Variants in NKAIN2 observed in about 807,000 individuals in gnomAD.
NKAIN2 encodes sodium/potassium transporting ATPase interacting 2.
Under a neutral mutation model 32.6 loss-of-function variants are expected in NKAIN2, and 14 were observed. The ratio of observed to expected loss-of-function variants is 0.43; its 90% confidence interval spans 0.28 to 0.67. The LOEUF (loss-of-function observed/expected upper bound fraction) is 0.67, where lower values mean the gene tolerates loss of function less well. Among genes scored for constraint, NKAIN2 ranks in the 30% least tolerant of loss-of-function variants. The pLI is 0.17. For synonymous variants in NKAIN2, 80 were observed against 87.2 expected, an observed-to-expected ratio of 0.92 and a Z score of 0.46; for missense variants, 198 against 258.3, an observed-to-expected ratio of 0.77 and a Z score of 1.60.
chr6:124,072,642 C>T (rs1051564892), intron 1 of NKAIN2, among the ~76,000 whole-genome samples: 6 of 152,264 alleles, frequency 3.9e-5, no homozygotes, highest in Middle Eastern at 3.4e-3. Flanking sequence ...TTGCTCTCTA[C>T]AACATTTCTA....
At chr6:124,433,896 G>T (rs1370118894) in intron 3 of NKAIN2, among the ~76,000 whole-genome samples, 2 of 152,116 alleles carry the variant, frequency 1.3e-5, no homozygotes, top group Non-Finnish European at 2.9e-5. Context: ...TGTTTTTGCT[G>T]CTCCGGCTGG....
chr6:124,032,384 C>T (rs1248878426), intron 1 of NKAIN2, among the ~76,000 whole-genome samples: 1 of 151,924 alleles, frequency 6.6e-6, no homozygotes, highest in Non-Finnish European at 1.5e-5. Flanking sequence ...ATGTTGTTCA[C>T]ATGTACCCTA....
intron 1 of NKAIN2, among the ~76,000 whole-genome samples, chr6:124,219,175 C>T (rs1477243717): frequency 6.6e-6 from 1 of 152,098 alleles, no homozygotes; most frequent in African/African-American, 2.4e-5. Context: ...AAAACTGATC[C>T]TTTTCTAGAA....
At chr6:124,327,136 G>T (rs998453346) in intron 2 of NKAIN2, among the ~76,000 whole-genome samples, 1 of 151,400 alleles carries the variant, frequency 6.6e-6, no homozygotes, top group South Asian at 2.1e-4. Flanking sequence ...CCCATATTCT[G>T]AGTTTTTTAT....
At chr6:123,947,417 C>T (rs1207754674) in intron 1 of NKAIN2, among the ~76,000 whole-genome samples, 1 of 152,136 alleles carries the variant, frequency 6.6e-6, no homozygotes, top group Non-Finnish European at 1.5e-5. Context: ...TGTATTCTTT[C>T]ATCTCAAAGC....
At chr6:124,755,880 A>T (rs187312572) in intron 4 of NKAIN2, among the ~76,000 whole-genome samples, 25 of 152,288 alleles carry the variant, frequency 1.6e-4, no homozygotes, top group African/African-American at 3.8e-4. Flanking sequence ...AGTTTAAAAA[A>T]TTTTTTAAAC....
At chr6:124,172,136 G>C (rs1286486120) in intron 1 of NKAIN2, among the ~76,000 whole-genome samples, 1 of 152,086 alleles carries the variant, frequency 6.6e-6, no homozygotes, top group African/African-American at 2.4e-5. Flanking sequence ...TGATAGTGAA[G>C]TTGAACAAGT....
At chr6:123,980,110 G>T (rs1345728513) in intron 1 of NKAIN2, among the ~76,000 whole-genome samples, 1 of 152,096 alleles carries the variant, frequency 6.6e-6, no homozygotes, top group Non-Finnish European at 1.5e-5. Context: ...TTCTAACCTT[G>T]GGGATGCCTT....
chr6:124,453,189 C>T (rs936410311), intron 3 of NKAIN2, among the ~76,000 whole-genome samples: 1 of 151,828 alleles, frequency 6.6e-6, no homozygotes, highest in Non-Finnish European at 1.5e-5. Flanking sequence ...CTAACAATAC[C>T]ATATTTTATT....
intron 1 of NKAIN2, among the ~76,000 whole-genome samples, chr6:124,100,548 C>T (rs1373763090): frequency 6.6e-6 from 1 of 152,096 alleles, no homozygotes; most frequent in African/African-American, 2.4e-5. Flanking sequence ...TTAATGTAAA[C>T]CTGTAAAGGA....
intron 2 of NKAIN2, among the ~76,000 whole-genome samples, chr6:124,336,067 A>T (rs1797846480): frequency 6.6e-6 from 1 of 152,208 alleles, no homozygotes; most frequent in South Asian, 2.1e-4. Context: ...AAAATATAAA[A>T]TACCAATAAT....
At chr6:124,499,738 G>A (rs774987150) in intron 3 of NKAIN2, among the ~76,000 whole-genome samples, 6 of 152,166 alleles carry the variant, frequency 3.9e-5, no homozygotes, top group Non-Finnish European at 1.5e-5. Context: ...GATTTATATG[G>A]CATCACTTAT....
chr6:124,608,262 G>T (rs978694934), intron 3 of NKAIN2, among the ~76,000 whole-genome samples: 4 of 152,052 alleles, frequency 2.6e-5, no homozygotes, highest in Non-Finnish European at 4.4e-5. Context: ...TTAGGGTAAA[G>T]AATACTTTTT....
At chr6:124,299,842 A>G (rs1057412781) in intron 2 of NKAIN2, among the ~76,000 whole-genome samples, 4 of 152,256 alleles carry the variant, frequency 2.6e-5, no homozygotes, top group African/African-American at 9.6e-5. Context: ...TTAACAATGA[A>G]GATTACAACA....
intron 1 of NKAIN2, among the ~76,000 whole-genome samples, chr6:123,930,628 A>T (rs1380050459): frequency 6.6e-6 from 1 of 152,224 alleles, no homozygotes; most frequent in Non-Finnish European, 1.5e-5. Context: ...TAGATACACA[A>T]TTTAATAGTA....
At chr6:124,499,998 A>G (rs1778222645) in intron 3 of NKAIN2, among the ~76,000 whole-genome samples, 1 of 152,212 alleles carries the variant, frequency 6.6e-6, no homozygotes, top group African/African-American at 2.4e-5. Flanking sequence ...GTCCATGTGC[A>G]ATAAATATTA....
intron 2 of NKAIN2, among the ~76,000 whole-genome samples, chr6:124,316,400 T>C (rs1796953018): frequency 6.6e-6 from 1 of 152,092 alleles, no homozygotes; most frequent in Non-Finnish European, 1.5e-5. Context: ...ACACAGATGA[T>C]TGATGGATCC....
chr6:124,215,452 C>T (rs1281415024), intron 1 of NKAIN2, among the ~76,000 whole-genome samples: 1 of 151,846 alleles, frequency 6.6e-6, no homozygotes, highest in East Asian at 1.9e-4. Flanking sequence ...ATTATAAGTT[C>T]TAAAATAACA....
At chr6:124,597,886 A>G (rs1045628893) in intron 3 of NKAIN2, among the ~76,000 whole-genome samples, 3 of 152,190 alleles carry the variant, frequency 2.0e-5, no homozygotes, top group Non-Finnish European at 4.4e-5. Context: ...TAAAGAAGTG[A>G]AGTTATTTGG....
Sources: allele counts gnomAD v4.1 joint callset (sites outside exome capture counted in the v4.1 genomes callset), GRCh38; gene constraint gnomAD v4.1.1; transcripts MANE v1.5; gene names NCBI Gene and HGNC (gene_info 2026-07-23, HGNC 2026-07-21).